STIL: variants seen among roughly 807,000 people sequenced by gnomAD.
STIL encodes SCL-interrupting locus protein.
In STIL, 55 loss-of-function variants were observed where a neutral mutation model predicts 110.1. The observed-to-expected ratio is 0.50, with a 90% CI of 0.40 to 0.63. The LOEUF is 0.63. Among genes scored for constraint, STIL ranks in the 20% least tolerant of loss-of-function variants. The pLI is 0.00. For synonymous variants in STIL, 481 were observed against 530.0 expected (o/e 0.91, Z 1.27); for missense variants, 1,358 against 1,530.0 (o/e 0.89, Z 1.87).
intron 16 of STIL, among the ~76,000 whole-genome samples, chr1:47,254,592 G>A (rs1013401530): frequency 2.0e-5 from 3 of 151,704 alleles, no homozygotes; most frequent in East Asian, 3.9e-4. Context: ...GTGCAGTGGC[G>A]CAATCATGGC....
At chr1:47,255,625 TAC>T (rs1644308094) in intron 16 of STIL, among the ~76,000 whole-genome samples, 1 of 151,794 alleles carries the variant, frequency 6.6e-6, no homozygotes, top group Non-Finnish European at 1.5e-5. Context: ...CTACTTATCC[TAC>T]ACAGTTTTTC....
chr1:47,299,880 T>C (rs1380802457), intron 6 of STIL, 25 bp downstream of exon 6: 1 of 1,604,440 alleles, frequency 6.2e-7, no homozygotes, highest in East Asian at 2.2e-5. Context: ...CAACTAACAT[T>C]TAGATTAATG....
intron 1 of STIL, among the ~76,000 whole-genome samples, chr1:47,311,229 A>G (rs749446197): frequency 6.0e-5 from 9 of 150,732 alleles, no homozygotes; most frequent in Non-Finnish European, 8.9e-5. Context: ...TCTATAGCAA[A>G]CCTTTAGCTC....
intron 10 of STIL, among the ~76,000 whole-genome samples, chr1:47,284,919 C>T (rs1453834722): frequency 6.6e-6 from 1 of 151,414 alleles, no homozygotes; most frequent in Non-Finnish European, 1.5e-5. Flanking sequence ...GACTGACTTC[C>T]TGGAGGGAAA....
intron 6 of STIL, among the ~76,000 whole-genome samples, chr1:47,299,586 T>TA (rs1645742991): frequency 6.6e-6 from 1 of 151,826 alleles, no homozygotes; most frequent in Admixed American, 6.6e-5. Flanking sequence ...AGAGATGGGG[T>TA]TTCACCATGT....
At chr1:47,294,271 T>TTATAGTAAA (rs1364985097) in intron 7 of STIL, among the ~76,000 whole-genome samples, 18 of 152,346 alleles carry the variant, frequency 1.2e-4, no homozygotes, top group African/African-American at 3.8e-4. Flanking sequence ...ACTGGTCACT[T>TTATAGTAAA]TATAGTAAAT....
chr1:47,277,481 A>C (rs1269370959), intron 12 of STIL, among the ~76,000 whole-genome samples: 1 of 152,208 alleles, frequency 6.6e-6, no homozygotes, highest in Non-Finnish European at 1.5e-5. Context: ...GAAAACAAAC[A>C]AACAACGACG....
rs1645554181 is a variant in STIL, at chr1:47,293,509, T to C, written c.821A>G (p.Gln274Arg). The change falls in exon 8 of 17, where the codon CAG becomes CGG. Residue 274 changes from glutamine to arginine, a missense_variant. Coordinates refer to ENST00000371877, the MANE Select transcript of STIL (RefSeq NM_001048166.1). ...GTATCGCAAACAGCAAGCCCATACCTGAGGACTATAGATATGTGTAATTCC... is the reference window on the plus strand; with the variant it reads ...GTATCGCAAACAGCAAGCCCATACCCGAGGACTATAGATATGTGTAATTCC... ...LSGITHIYSP[Q>R]VWACCLRYIF... The C allele has an allele frequency of 1.9e-6, 3 of 1,613,254 alleles. No individual in the cohort carries two copies. The East Asian group carries it at 6.7e-5, about 36-fold the overall frequency.
Position 47,299,524 on chromosome 1 carries a change from C to T in STIL, c.701+381G>A, listed in dbSNP as rs948697936. Among the ~76,000 whole-genome samples the T allele has an allele frequency of 1.1e-4, 16 of 151,448 alleles. 1 individual carries two copies. Among genetic ancestry groups the T allele is most frequent in the African/African-American group, 3.9e-4 (16 of 41,294 alleles). Reference sequence around the variant, plus strand: ...CCTCCTGCCTCAACCTCCCGAGTAACTGGGACTACAGGCATGCACCACCAC... The same window carrying T: ...CCTCCTGCCTCAACCTCCCGAGTAATTGGGACTACAGGCATGCACCACCAC... On this transcript the variant is annotated intron_variant, in intron 6 of 16. Transcript: ENST00000371877.
At chr1:47,257,309 GA>G (rs1296522117) in intron 16 of STIL, among the ~76,000 whole-genome samples, 1 of 152,152 alleles carries the variant, frequency 6.6e-6, no homozygotes, top group Non-Finnish European at 1.5e-5. Flanking sequence ...TTATGTTGGA[GA>G]AACTATTGCA....
intron 1 of STIL, among the ~76,000 whole-genome samples, chr1:47,312,356 G>T (rs1031354262): frequency 6.6e-6 from 1 of 152,084 alleles, no homozygotes; most frequent in South Asian, 2.1e-4. Flanking sequence ...GGGGTGTGGT[G>T]GCGGGCACCT....
intron 10 of STIL, among the ~76,000 whole-genome samples, 184 bp downstream of exon 10, chr1:47,287,367 T>C (rs1320024045): frequency 2.0e-5 from 3 of 152,164 alleles, no homozygotes; most frequent in Non-Finnish European, 2.9e-5. Flanking sequence ...GAGTTGCCAC[T>C]TCATTAAAAT....
At chr1:47,312,698 G>T (rs1430894920) in intron 1 of STIL, among the ~76,000 whole-genome samples, 3 of 152,102 alleles carry the variant, frequency 2.0e-5, no homozygotes, top group Non-Finnish European at 4.4e-5. Context: ...ATTCATTTGG[G>T]TGAAAAGATG....
intron 16 of STIL, among the ~76,000 whole-genome samples, chr1:47,258,991 G>GTTTTTTTTTTTTT (rs1557704421): frequency 8.3e-5 from 3 of 36,222 alleles, no homozygotes; most frequent in African/African-American, 4.2e-4. Flanking sequence ...AAGTAACTTT[G>GTTTTTTTTTTTTT]CTTTTTTTTT....
chr1:47,274,779 T>TG (rs1644939709), intron 12 of STIL, among the ~76,000 whole-genome samples: 1 of 148,870 alleles, frequency 6.7e-6, no homozygotes. Flanking sequence ...TAACTAGTGG[T>TG]GGGGGGCAGG....
chr1:47,254,599 T>C (rs1393666671), intron 16 of STIL, among the ~76,000 whole-genome samples: 1 of 152,082 alleles, frequency 6.6e-6, no homozygotes, highest in Non-Finnish European at 1.5e-5. Flanking sequence ...GGCGCAATCA[T>C]GGCTCACCAT....
intron 16 of STIL, among the ~76,000 whole-genome samples, chr1:47,258,928 TATACTTGAAC>T (rs527505689): frequency 1.2e-3 from 175 of 150,800 alleles, no homozygotes; most frequent in African/African-American, 4.0e-3. Context: ...CACATACACA[TATACTTGAAC>T]ATGCATGGAA....
chr1:47,293,424 GA>G, intron 8 of STIL, 33 bp downstream of exon 8: 1 of 1,551,176 alleles, frequency 6.4e-7, no homozygotes, highest in Non-Finnish European at 8.9e-7. Flanking sequence ...GGAAAGGATC[GA>G]AATAAAGTAC....
chr1:47,264,436 C>G (rs957750765), intron 14 of STIL, among the ~76,000 whole-genome samples: 4 of 152,086 alleles, frequency 2.6e-5, no homozygotes, highest in African/African-American at 9.7e-5. Context: ...TTTTAAAATG[C>G]TTCTAATATG....
Sources: gnomAD v4.1 joint callset for allele counts (sites outside exome capture counted in the v4.1 genomes callset) on GRCh38, gnomAD v4.1.1 for gene constraint, MANE v1.5 for transcripts, NCBI Gene and HGNC (gene_info 2026-07-23, HGNC 2026-07-21) for gene names.